The following QSOX1 variants were observed in gnomAD, a reference collection of about 807,000 sequenced individuals.
QSOX1 encodes the protein quiescin sulfhydryl oxidase 1.
QSOX1 carries 40 observed loss-of-function variants against 76.1 expected under a neutral mutation model. The ratio of observed to expected loss-of-function variants is 0.53; its 90% confidence interval spans 0.41 to 0.68. QSOX1 has a LOEUF of 0.68. Ranked by LOEUF, QSOX1 falls within the 30% of genes least tolerant of loss-of-function variation. The pLI is 0.00. For missense variants in QSOX1, 931 were observed against 974.3 expected, an observed-to-expected ratio of 0.96 and a Z score of 0.59; for synonymous variants, 392 against 413.1, an observed-to-expected ratio of 0.95 and a Z score of 0.62.
Position 180,175,942 on chromosome 1 carries a change from GA to G in QSOX1, c.425del (p.Asp142AlafsTer49). On this transcript the variant is annotated frameshift_variant, in exon 4 of 12. Transcript: ENST00000367602. LOFTEE classifies it high-confidence loss of function. ...GTTTTCATTTACAGTGGCTGGTGCT[GA>G]CGTGCAGACACTGCGGGAGAGGCTC... ...SGAVFPVAGA[D>X]VQTLRERLID... 6.3e-7 allele frequency: 1 copy of G among 1,592,998 alleles called. No individual in the cohort carries two copies. Among genetic ancestry groups the G allele is most frequent in the Non-Finnish European group, 8.5e-7 (1 of 1,170,380 alleles).
chr1:180,199,956 C>T lies in QSOX1; in HGVS notation c.*2919C>T, dbSNP rs533823148. 6.6e-6 allele frequency: 1 copy of T among 151,588 alleles called. No individual in the cohort carries two copies. The highest frequency in any genetic ancestry group is 2.0e-4 in the East Asian group (1 of 5,118). The allele number at this position is 151,588 out of a possible 1,614,324, so 9.4% of individuals were successfully genotyped here. On this transcript the variant is annotated 3_prime_UTR_variant, in exon 12 of 12. Coordinates refer to ENST00000367602, the MANE Select transcript of QSOX1 (RefSeq NM_002826.5). The stretch of plus-strand genomic sequence containing the variant: ...TGGTATGGGGTGGGGGTGGGAAGAC[C>T]CCTGATGCAGCCTGTCCTCTGGGTG...
rs764331995 is a variant in QSOX1, at chr1:180,194,346, C to T, written c.1422C>T (p.Val474=). The T allele has an allele frequency of 5.0e-6, 8 of 1,599,432 alleles. No individual in the cohort carries two copies. The highest frequency in any genetic ancestry group is 1.3e-5 in the African/African-American group (1 of 74,716). ...GGGTGGGGAGTCCCAACGCCGCTGT[C>T]CTCTGGCTCTGGTCTAGCCACAACA... is the stretch of plus-strand genomic sequence containing the variant. ...MHRVGSPNAA[V]LWLWSSHNRV... Residue 474 remains valine, a synonymous_variant, in exon 11 of 12, where the codon GTC becomes GTT. Coordinates refer to ENST00000367602, the MANE Select transcript of QSOX1 (RefSeq NM_002826.5).
intron 2 of QSOX1, among the ~76,000 whole-genome samples, chr1:180,174,539 G>A (rs1662835096): frequency 6.6e-6 from 1 of 152,216 alleles, no homozygotes; most frequent in South Asian, 2.1e-4. Context: ...CTTTTCCCAA[G>A]TAAGGAGCAA....
At chr1:180,192,678 T>C (rs1663347892) in intron 10 of QSOX1, among the ~76,000 whole-genome samples, 2 of 152,012 alleles carry the variant, frequency 1.3e-5, no homozygotes, top group African/African-American at 4.8e-5. Flanking sequence ...AGTCAGGGGC[T>C]CGGGTTGGGA....
chr1:180,180,329 G>C (rs12080055), intron 5 of QSOX1, among the ~76,000 whole-genome samples: 25,073 of 152,048 alleles, frequency 0.16, 2,133 homozygotes, highest in Middle Eastern at 0.22. Flanking sequence ...TCCTTCCTCA[G>C]CCTCCCAATT....
chr1:180,187,636 A>G (rs1293431088), intron 8 of QSOX1, among the ~76,000 whole-genome samples: 3 of 152,270 alleles, frequency 2.0e-5, no homozygotes, highest in Admixed American at 1.3e-4. Flanking sequence ...AATGAGATAC[A>G]GAAAAGTCCC....
At chr1:180,158,289 T>C (rs1572036146) in intron 1 of QSOX1, among the ~76,000 whole-genome samples, 1 of 152,166 alleles carries the variant, frequency 6.6e-6, no homozygotes, top group Admixed American at 6.5e-5. Context: ...AAGGCGTGTG[T>C]TTGAGTGACA....
chr1:180,158,335 C>T (rs967475167), intron 1 of QSOX1, among the ~76,000 whole-genome samples: 13 of 152,314 alleles, frequency 8.5e-5, no homozygotes, highest in African/African-American at 2.6e-4. Flanking sequence ...TTCTCTTCCA[C>T]GGCACAGGCC....
At chr1:180,162,879 C>G (rs1416390558) in intron 1 of QSOX1, among the ~76,000 whole-genome samples, 1 of 152,076 alleles carries the variant, frequency 6.6e-6, no homozygotes, top group African/African-American at 2.4e-5. Context: ...TACATTGTTG[C>G]AGAAAAAACA....
chr1:180,177,754 C>A (rs181138796), intron 4 of QSOX1, among the ~76,000 whole-genome samples: 1 of 152,228 alleles, frequency 6.6e-6, no homozygotes, highest in Non-Finnish European at 1.5e-5. Flanking sequence ...AAAGGCTCAA[C>A]ACCTCTTTTC....
rs890819844 is a variant in QSOX1 at position 180,196,015 on chromosome 1, T to C, written c.1469-247T>C. 6.6e-6 allele frequency among the ~76,000 whole-genome samples: 1 copy of C among 152,154 alleles called. No individual in the cohort carries two copies. Among genetic ancestry groups the C allele is most frequent in the Non-Finnish European group, 1.5e-5 (1 of 68,032 alleles). On this transcript the variant is annotated intron_variant, in intron 11 of 11. Coordinates refer to ENST00000367602, the MANE Select transcript of QSOX1 (RefSeq NM_002826.5). This position sits in a 1 kb window ranked among gnomAD's most constrained non-coding sequence, Gnocchi z 4.1. ...TGAGATGGCGCTCTTCACGCTTCCC[T>C]GGAAAACCACGGAGGGCCGGGGCTG...
In QSOX1 at chr1:180,188,452, G is replaced by A. The variant is rs138649573; in HGVS notation, c.1018-1100G>A. On this transcript the variant is annotated intron_variant, in intron 8 of 11. Transcript: ENST00000367602. The stretch of plus-strand genomic sequence containing the variant: ...CCATCCTTCTGGCACTGTCGCCTTA[G>A]AAGGCGGAAGTTTCTAAGTCAGGAT... Among the ~76,000 whole-genome samples, 429 of 152,354 alleles carry A rather than the reference G, an allele frequency of 2.8e-3. 1 individual carries two copies. The highest frequency in any genetic ancestry group is 0.01 in the African/African-American group (417 of 41,574).
intron 1 of QSOX1, among the ~76,000 whole-genome samples, chr1:180,159,532 A>ATGAG (rs1452497627): frequency 6.6e-6 from 1 of 152,234 alleles, no homozygotes; most frequent in Non-Finnish European, 1.5e-5. Context: ...GTCTTACAGA[A>ATGAG]TGAGTATTCT....
Position 180,168,320 on chromosome 1 carries a change from A to T in QSOX1, c.366+1729A>T, listed in dbSNP as rs139012617. Among the ~76,000 whole-genome samples the T allele has an allele frequency of 5.9e-5, 9 of 152,062 alleles. No homozygotes were observed. The East Asian group carries it at 1.8e-3, about 30-fold the overall frequency. Reference sequence around the variant, plus strand: ...CTCCTCAGCCCTCCCCTGCCTCCAGACGGGCAGCACCTGGCAGGGCCAGTC... The same window carrying T: ...CTCCTCAGCCCTCCCCTGCCTCCAGTCGGGCAGCACCTGGCAGGGCCAGTC... On this transcript the variant is annotated intron_variant, in intron 2 of 11. Coordinates refer to ENST00000367602, the MANE Select transcript of QSOX1 (RefSeq NM_002826.5).
rs534138280 is a variant in QSOX1 at position 180,201,429 on chromosome 1, A to G, written c.*4392A>G. ...AAGGAAGCTCCAGGGTGGGCCCAGT[A>G]TCCTTCCACAGCATCCCTCCTCTTC... On this transcript the variant is annotated 3_prime_UTR_variant, in exon 12 of 12. Coordinates refer to ENST00000367602, the MANE Select transcript of QSOX1 (RefSeq NM_002826.5). 1.3e-5 allele frequency: 2 copies of G among 152,454 alleles called. No homozygotes were observed. The highest frequency in any genetic ancestry group is 1.9e-4 in the East Asian group (1 of 5,170). 9.4% of individuals were successfully genotyped at this position (152,454 alleles called of 1,614,324 possible).
chr1:180,156,459 T>A (rs768381770), intron 1 of QSOX1, among the ~76,000 whole-genome samples: 42 of 152,218 alleles, frequency 2.8e-4, no homozygotes, highest in Non-Finnish European at 3.4e-4. Context: ...TGGTATTTCT[T>A]GATAAATTCA....
intron 5 of QSOX1, among the ~76,000 whole-genome samples, 170 bp downstream of exon 5, chr1:180,179,054 T>C (rs1440689194): frequency 6.6e-6 from 1 of 152,230 alleles, no homozygotes; most frequent in Non-Finnish European, 1.5e-5. Flanking sequence ...AGCTGGACCT[T>C]TGCGTTTCAA....
chr1:180,160,160 C>T (rs1453325976), intron 1 of QSOX1, among the ~76,000 whole-genome samples: 2 of 152,106 alleles, frequency 1.3e-5, no homozygotes, highest in Admixed American at 1.3e-4. Flanking sequence ...CAATATGACG[C>T]TTAGCCAGGG....
chr1:180,168,298 C>T (rs1662678607), intron 2 of QSOX1, among the ~76,000 whole-genome samples: 1 of 152,260 alleles, frequency 6.6e-6, no homozygotes, highest in Non-Finnish European at 1.5e-5. Context: ...CGCTGGGCTC[C>T]TCAGCCCTCC....
Sources: allele counts gnomAD v4.1 joint callset (sites outside exome capture counted in the v4.1 genomes callset), GRCh38; gene constraint gnomAD v4.1.1; non-coding constraint Gnocchi (gnomAD v3.1); transcripts MANE v1.5; gene names NCBI Gene and HGNC (gene_info 2026-07-23, HGNC 2026-07-21).